Variants in TBCD observed in about 807,000 individuals in gnomAD.
TBCD encodes the protein tubulin-specific chaperone D.
In TBCD, 105 loss-of-function variants were observed where a neutral mutation model predicts 169.3. That is an observed-to-expected ratio of 0.62 (90% CI 0.53 to 0.73). The LOEUF (loss-of-function observed/expected upper bound fraction) is 0.73, where lower values mean the gene tolerates loss of function less well. Among genes scored for constraint, TBCD ranks in the 30% least tolerant of loss-of-function variants. TBCD has a pLI of 0.00. For synonymous variants in TBCD, 700 were observed against 643.9 expected, an observed-to-expected ratio of 1.09 and a Z score of -1.32; for missense variants, 1,444 against 1,600.1, an observed-to-expected ratio of 0.90 and a Z score of 1.66.
At chr17:82,784,178 C>T (rs557223044) in intron 7 of TBCD, among the ~76,000 whole-genome samples, 3 of 152,110 alleles carry the variant, frequency 2.0e-5, no homozygotes, top group East Asian at 1.9e-4. Flanking sequence ...CCCTTGGGTA[C>T]ACAACACTAG....
Position 82,939,296 on chromosome 17 carries a change from G to A in TBCD, c.3370-71G>A, listed in dbSNP as rs2062918927. The A allele has an allele frequency of 4.7e-6, 6 of 1,265,174 alleles. No homozygotes were observed. In the South Asian group the frequency reaches 6.3e-5, roughly 13 times the overall value. The allele number at this position is 1,265,174 out of a possible 1,614,324, so 78.4% of individuals were successfully genotyped here. On this transcript the variant is annotated intron_variant, in intron 36 of 38. Coordinates refer to ENST00000355528, the MANE Select transcript of TBCD (RefSeq NM_005993.5). ...TTCCACTGACGGGGCTCCCTGGCCTGGGTCCTGTCGTCTCTCCGGGGTGGG... is the reference window on the plus strand; with the variant it reads ...TTCCACTGACGGGGCTCCCTGGCCTAGGTCCTGTCGTCTCTCCGGGGTGGG...
chr17:82,787,588 C>A (rs114486267), intron 7 of TBCD, among the ~76,000 whole-genome samples: 22 of 152,174 alleles, frequency 1.4e-4, no homozygotes, highest in African/African-American at 5.1e-4. Context: ...AGGCAGAGGC[C>A]GGGCGCCTGC....
At chr17:82,846,148 A>C (rs2055017003) in intron 13 of TBCD, among the ~76,000 whole-genome samples, 1 of 147,436 alleles carries the variant, frequency 6.8e-6, no homozygotes, top group Non-Finnish European at 1.5e-5. Context: ...GTGGGATGGG[A>C]CTGGGAGGCT....
chr17:82,923,584 C>A lies in TBCD; in HGVS notation c.2179-68C>A. On this transcript the variant is annotated intron_variant, in intron 25 of 38. Transcript: ENST00000355528. This position sits in a 1 kb window ranked among gnomAD's most constrained non-coding sequence, Gnocchi z 4.6. Reference sequence around the variant, plus strand: ...GCTTCTCCGACTTCAGAGTGACCTGCTCTGTCCCTGGCCGGGGGCTTCTCC... The same window carrying A: ...GCTTCTCCGACTTCAGAGTGACCTGATCTGTCCCTGGCCGGGGGCTTCTCC... The A allele has an allele frequency of 7.5e-7, 1 of 1,330,614 alleles. No individual in the cohort carries two copies. Among genetic ancestry groups the A allele is most frequent in the Non-Finnish European group, 1.0e-6 (1 of 952,538 alleles). 82.4% of individuals were successfully genotyped at this position (1,330,614 alleles called of 1,614,324 possible). A position where few individuals can be genotyped will look rare whatever the true frequency, so the allele number is the denominator to read the frequency against.
At chr17:82,772,969 C>T (rs901947362) in intron 6 of TBCD, among the ~76,000 whole-genome samples, 1 of 152,164 alleles carries the variant, frequency 6.6e-6, no homozygotes, top group African/African-American at 2.4e-5. Flanking sequence ...CTCTGCTGAG[C>T]GCAGCAGGCC....
chr17:82,937,593 G>A (rs1050745946), intron 35 of TBCD: 6 of 604,778 alleles, frequency 9.9e-6, no homozygotes, highest in South Asian at 8.0e-5. Context: ...TGCTGCCCTC[G>A]CGCTCTGCCC....
intron 13 of TBCD, among the ~76,000 whole-genome samples, chr17:82,851,502 G>A (rs1295180613): frequency 2.0e-5 from 3 of 152,172 alleles, no homozygotes; most frequent in Non-Finnish European, 4.4e-5. Flanking sequence ...CTGCGATGTG[G>A]ACTGCATGTG....
intron 23 of TBCD, 92 bp downstream of exon 23, chr17:82,911,881 GC>G: frequency 2.9e-6 from 4 of 1,380,072 alleles, no homozygotes; most frequent in African/African-American, 1.4e-5. Flanking sequence ...CGGCCCATTA[GC>G]CCCCAGGGTG....
intron 14 of TBCD, among the ~76,000 whole-genome samples, chr17:82,872,351 G>A (rs975506310): frequency 6.6e-5 from 10 of 152,262 alleles, no homozygotes; most frequent in African/African-American, 2.4e-4. Flanking sequence ...GCCTCTGTCT[G>A]CTGCTCTCCC....
At chr17:82,836,695 AAAAC>A (rs570529654) in intron 13 of TBCD, among the ~76,000 whole-genome samples, 2,573 of 148,880 alleles carry the variant, frequency 0.017, 73 homozygotes, top group African/African-American at 0.059. Context: ...GGCAAAAAAA[AAAAC>A]AAAACAAAAC....
At chr17:82,765,412 C>T (rs1598401189) in intron 3 of TBCD, among the ~76,000 whole-genome samples, 1 of 151,430 alleles carries the variant, frequency 6.6e-6, no homozygotes, top group Non-Finnish European at 1.5e-5. Context: ...TGTCTGTGCT[C>T]ATAGTCTGCT....
At chr17:82,895,381 C>T (rs944916870) in intron 17 of TBCD, among the ~76,000 whole-genome samples, 13 of 152,202 alleles carry the variant, frequency 8.5e-5, no homozygotes, top group Non-Finnish European at 1.6e-4. Flanking sequence ...TGGTCCTGTT[C>T]AGCAGAGGGC....
intron 15 of TBCD, among the ~76,000 whole-genome samples, chr17:82,885,811 A>G (rs2058672987): frequency 6.6e-6 from 1 of 152,198 alleles, no homozygotes; most frequent in Non-Finnish European, 1.5e-5. Context: ...TTTCTGATAA[A>G]TACCACCGAG....
chr17:82,859,797 C>A, intron 13 of TBCD: 5 of 985,462 alleles, frequency 5.1e-6, no homozygotes, highest in Non-Finnish European at 4.8e-6. Flanking sequence ...CCTGTCCTGC[C>A]TGTTCATGGC....
At chr17:82,911,822 C>T in intron 23 of TBCD, 33 bp downstream of exon 23, 1 of 1,612,620 alleles carries the variant, frequency 6.2e-7, no homozygotes, top group South Asian at 1.1e-5. Flanking sequence ...CCCTCTGCAG[C>T]CCTTTGCCGC....
rs1042238348 is a variant in TBCD, at chr17:82,889,328, G to C, written c.1534-340G>C. On this transcript the variant is annotated intron_variant, in intron 15 of 38. Coordinates refer to ENST00000355528, the MANE Select transcript of TBCD (RefSeq NM_005993.5). This position sits in a 1 kb window ranked among gnomAD's most constrained non-coding sequence, Gnocchi z 5.3. ...TGAGCTGCCTCACTCCTGAGGAAGA[G>C]TGTTCGGGCTCTGGGCTTTGATTTA... Among the ~76,000 whole-genome samples, 5 of 152,262 alleles carry C rather than the reference G, an allele frequency of 3.3e-5. No homozygotes were observed. Among genetic ancestry groups the C allele is most frequent in the South Asian group, 4.2e-4 (2 of 4,818 alleles).
Position 82,935,676 on chromosome 17 carries a change from G to A in TBCD, c.3192-1595G>A, listed in dbSNP as rs182921154. 9.8e-5 allele frequency among the ~76,000 whole-genome samples: 15 copies of A among 152,352 alleles called. No homozygotes were observed. The East Asian group carries it at 2.3e-3, about 23-fold the overall frequency. On this transcript the variant is annotated intron_variant, in intron 34 of 38. Transcript: ENST00000355528. ...TGGACAATAGCAAGGATATTAGAAC[G>A]TGTTGGTTCCGCGTGCTTCCGTCTT...
chr17:82,838,119 G>A (rs1017734701), intron 13 of TBCD, among the ~76,000 whole-genome samples: 3 of 152,230 alleles, frequency 2.0e-5, no homozygotes, highest in African/African-American at 7.2e-5. Flanking sequence ...CGGGTGTTGG[G>A]GCGTAGCTGC....
At position 82,929,270 on chromosome 17, in the gene TBCD, A is replaced by C. The variant is rs781474920; in HGVS notation, c.2851A>C (p.Arg951=). The part of the protein sequence containing the change: ...HRGELEKLFP[R]SDVASVNWSA... ...AGGAGAACTGGAAAAGCTGTTTCCC[A>C]GGTACTGTCGGGGTGTAGGCCCCCC... Residue 951 remains arginine, a splice_region_variant and synonymous_variant, in exon 31 of 39, where the codon AGG becomes CGG. Coordinates refer to ENST00000355528, the MANE Select transcript of TBCD (RefSeq NM_005993.5). 3 of 1,613,410 alleles carry C rather than the reference A, an allele frequency of 1.9e-6. No individual in the cohort carries two copies. The highest frequency in any genetic ancestry group is 2.2e-5 in the South Asian group (2 of 91,048).
Sources: allele counts gnomAD v4.1 joint callset (sites outside exome capture counted in the v4.1 genomes callset), GRCh38; gene constraint gnomAD v4.1.1; non-coding constraint Gnocchi (gnomAD v3.1); transcripts MANE v1.5; gene names NCBI Gene and HGNC (gene_info 2026-07-23, HGNC 2026-07-21).